PRKN: variants seen among roughly 807,000 people sequenced by gnomAD.
PRKN encodes the protein E3 ubiquitin-protein ligase parkin.
A neutral mutation model predicts 59.5 loss-of-function variants in PRKN; 56 were observed. The ratio of observed to expected loss-of-function variants is 0.94; its 90% confidence interval spans 0.76 to 1.18. The LOEUF (loss-of-function observed/expected upper bound fraction) is 1.18, where lower values mean the gene tolerates loss of function less well. Ranked by LOEUF, PRKN falls within the 50% of genes most tolerant of loss-of-function variation. The pLI is 0.00. For missense variants in PRKN, 657 were observed against 596.4 expected, an observed-to-expected ratio of 1.10 and a Z score of -1.06; for synonymous variants, 250 against 222.1, an observed-to-expected ratio of 1.13 and a Z score of -1.12.
chr6:162,279,077 T>C (rs1479126741), intron 2 of PRKN, among the ~76,000 whole-genome samples: 1 of 152,124 alleles, frequency 6.6e-6, no homozygotes, highest in Non-Finnish European at 1.5e-5. Flanking sequence ...ACGGCTGTAA[T>C]CTCAGGACTT....
At chr6:161,380,668 G>T (rs1454899595) in intron 10 of PRKN, among the ~76,000 whole-genome samples, 2 of 152,002 alleles carry the variant, frequency 1.3e-5, no homozygotes, top group Admixed American at 6.6e-5. Context: ...ATTCACAGTT[G>T]AAATGAGGTT....
chr6:161,380,976 C>G (rs774809152), intron 10 of PRKN, among the ~76,000 whole-genome samples: 1 of 152,180 alleles, frequency 6.6e-6, no homozygotes, highest in Non-Finnish European at 1.5e-5. Flanking sequence ...CACCCCCACC[C>G]GCCCCAGCAT....
intron 4 of PRKN, among the ~76,000 whole-genome samples, chr6:162,147,920 C>T (rs1426174799): frequency 2.0e-5 from 3 of 152,114 alleles, no homozygotes; most frequent in Admixed American, 2.0e-4. Flanking sequence ...TGTAGACAGT[C>T]ATGAACAGCA....
At chr6:162,696,249 A>G (rs557421269) in intron 1 of PRKN, among the ~76,000 whole-genome samples, 1 of 152,322 alleles carries the variant, frequency 6.6e-6, no homozygotes, top group East Asian at 1.9e-4. Flanking sequence ...CTATATCACT[A>G]AAATCCGTTT....
intron 7 of PRKN, among the ~76,000 whole-genome samples, chr6:161,715,803 G>A (rs999645764): frequency 2.0e-5 from 3 of 152,112 alleles, no homozygotes; most frequent in East Asian, 1.9e-4. Context: ...GGGGAATGAC[G>A]GGAAGCTTCT....
chr6:162,435,158 T>A (rs1381355651), intron 2 of PRKN, among the ~76,000 whole-genome samples: 1 of 152,230 alleles, frequency 6.6e-6, no homozygotes, highest in African/African-American at 2.4e-5. Context: ...TCAGGTTTCC[T>A]GTACCCTAAT....
chr6:161,549,615 C>T lies in PRKN; in HGVS notation c.934-612G>A, dbSNP rs1433755450. 6.6e-6 allele frequency among the ~76,000 whole-genome samples: 1 copy of T among 152,108 alleles called. No homozygotes were observed. Among genetic ancestry groups the T allele is most frequent in the Non-Finnish European group, 1.5e-5 (1 of 68,026 alleles). The stretch of plus-strand genomic sequence containing the variant: ...TCTTGTGTCCCTGATGTCATTTCTT[C>T]CTGGTACCGTTTTGCTCAATTTCCT... On this transcript the variant is annotated intron_variant, in intron 8 of 11. Coordinates refer to ENST00000366898, the MANE Select transcript of PRKN (RefSeq NM_004562.3). This position sits in a 1 kb window ranked among gnomAD's most constrained non-coding sequence, Gnocchi z 6.0.
At chr6:161,860,935 T>C (rs950335093) in intron 6 of PRKN, among the ~76,000 whole-genome samples, 8 of 152,202 alleles carry the variant, frequency 5.3e-5, no homozygotes, top group African/African-American at 1.9e-4. Flanking sequence ...AAACAACAGA[T>C]GCTGGCAAAG....
chr6:162,027,305 TG>T (rs371606767), intron 5 of PRKN, among the ~76,000 whole-genome samples: 8 of 152,150 alleles, frequency 5.3e-5, no homozygotes, highest in Middle Eastern at 3.4e-3. Flanking sequence ...ATATTAATCT[TG>T]ACATGTTTCA....
chr6:162,184,028 G>A (rs1241392842), intron 4 of PRKN, among the ~76,000 whole-genome samples: 1 of 152,176 alleles, frequency 6.6e-6, no homozygotes, highest in East Asian at 1.9e-4. Flanking sequence ...TCCTTGAAAT[G>A]TGGCCACTGT....
chr6:162,011,722 A>T (rs1021562011), intron 5 of PRKN, among the ~76,000 whole-genome samples: 1 of 150,640 alleles, frequency 6.6e-6, no homozygotes, highest in Admixed American at 6.8e-5. Flanking sequence ...ACTCTGGGCT[A>T]ATGACCTTTC....
chr6:162,247,035 ATT>A (rs1779227666), intron 3 of PRKN, among the ~76,000 whole-genome samples: 1 of 151,476 alleles, frequency 6.6e-6, no homozygotes, highest in Non-Finnish European at 1.5e-5. Flanking sequence ...GAATGGCTAT[ATT>A]TTTGAGTCAC....
Position 161,733,798 on chromosome 6 carries a change from G to GTATATATATATA in PRKN, c.871+51962_871+51973dup, listed in dbSNP as rs10597402. Among the ~76,000 whole-genome samples the GTATATATATATA allele has an allele frequency of 8.4e-4, 103 of 122,348 alleles. 1 individual carries two copies. Among genetic ancestry groups the GTATATATATATA allele is most frequent in the African/African-American group, 2.1e-3 (66 of 31,036 alleles). The allele number at this position is 122,348 out of a possible 152,430, so 80.3% of individuals were successfully genotyped here. On this transcript the variant is annotated intron_variant, in intron 7 of 11. Coordinates refer to ENST00000366898, the MANE Select transcript of PRKN (RefSeq NM_004562.3). ...AAAAAAAAAAAATATATATATATAT[G>GTATATATATATA]TATATATATATATATATATATATGT...
chr6:162,021,461 A>ATATATATATATATATATATT (rs59250759), intron 5 of PRKN, among the ~76,000 whole-genome samples: 1 of 24,650 alleles, frequency 4.1e-5, no homozygotes, highest in African/African-American at 9.2e-5. Flanking sequence ...ATATATATAT[A>ATATATATATATATATATATT]TTTTTTTTTT....
intron 6 of PRKN, among the ~76,000 whole-genome samples, chr6:161,958,135 T>G (rs1780250539): frequency 6.6e-6 from 1 of 152,228 alleles, no homozygotes. Context: ...ATATTGGATG[T>G]CATGTCTCTA....
intron 2 of PRKN, among the ~76,000 whole-genome samples, chr6:162,376,570 C>T (rs1249045021): frequency 1.3e-5 from 2 of 151,324 alleles, no homozygotes; most frequent in Non-Finnish European, 2.9e-5. Flanking sequence ...CAAATGAATA[C>T]CTGGGGCCAG....
chr6:162,605,231 GAGA>G (rs1395546750), intron 1 of PRKN, among the ~76,000 whole-genome samples: 2 of 151,824 alleles, frequency 1.3e-5, no homozygotes, highest in East Asian at 3.9e-4. Context: ...AGTAAGAATA[GAGA>G]AGATTAACTA....
intron 6 of PRKN, among the ~76,000 whole-genome samples, chr6:161,835,645 G>A (rs894895991): frequency 6.6e-6 from 1 of 152,210 alleles, no homozygotes; most frequent in South Asian, 2.1e-4. Context: ...GCTTATCCAC[G>A]CATGGGGAGG....
At chr6:162,073,612 C>T (rs1053742697) in intron 4 of PRKN, among the ~76,000 whole-genome samples, 8 of 152,236 alleles carry the variant, frequency 5.3e-5, no homozygotes, top group African/African-American at 1.4e-4. Context: ...TCACCACACC[C>T]GGTTAATTTT....
Sources: allele counts gnomAD v4.1 joint callset (sites outside exome capture counted in the v4.1 genomes callset), GRCh38; gene constraint gnomAD v4.1.1; non-coding constraint Gnocchi (gnomAD v3.1); transcripts MANE v1.5; gene names NCBI Gene and HGNC (gene_info 2026-07-23, HGNC 2026-07-21).